The following TBC1D4 variants were observed in gnomAD, a reference collection of about 807,000 sequenced individuals.
TBC1D4 encodes TBC (Tre-2, BUB2, CDC16) domain-containing protein.
TBC1D4 carries 121 observed loss-of-function variants against 142.5 expected under a neutral mutation model. That is an observed-to-expected ratio of 0.85 (90% confidence interval 0.73 to 0.99). The LOEUF (loss-of-function observed/expected upper bound fraction) is 0.99. Among genes scored for constraint, TBC1D4 ranks in the 50% least tolerant of loss-of-function variants. TBC1D4 has a pLI of 0.00. For synonymous variants in TBC1D4, 630 were observed against 628.2 expected (o/e 1.00, Z -0.04); for missense variants, 1,475 against 1,606.6 (o/e 0.92, Z 1.40).
chr13:75,400,748 G>C (rs936523814), intron 1 of TBC1D4, among the ~76,000 whole-genome samples: 1 of 151,908 alleles, frequency 6.6e-6, no homozygotes, highest in Non-Finnish European at 1.5e-5. Flanking sequence ...TTACAGGCAT[G>C]AGCCACCACG....
intron 1 of TBC1D4, among the ~76,000 whole-genome samples, chr13:75,480,953 C>T (rs866286543): frequency 6.6e-6 from 1 of 152,200 alleles, no homozygotes; most frequent in African/African-American, 2.4e-5. Context: ...GCCGTCCTCC[C>T]GGGACGGGCG....
chr13:75,413,298 A>C (rs909362757), intron 1 of TBC1D4, among the ~76,000 whole-genome samples: 1 of 151,908 alleles, frequency 6.6e-6, no homozygotes, highest in African/African-American at 2.4e-5. Flanking sequence ...AGTAGCTGGG[A>C]CTACAGGTGC....
At chr13:75,310,856 T>C (rs1481091300) in intron 13 of TBC1D4, among the ~76,000 whole-genome samples, 2 of 152,184 alleles carry the variant, frequency 1.3e-5, no homozygotes, top group South Asian at 2.1e-4. Context: ...TTTGTTTCTA[T>C]GTGTACTCAA....
chr13:75,356,073 G>T, intron 4 of TBC1D4, 74 bp downstream of exon 4: 1 of 1,116,836 alleles, frequency 9.0e-7, no homozygotes, highest in Non-Finnish European at 1.3e-6. Context: ...GCAAGGCTTG[G>T]GCTCCTAAGA....
At chr13:75,320,897 G>A (rs943370091) in intron 11 of TBC1D4, among the ~76,000 whole-genome samples, 5 of 149,542 alleles carry the variant, frequency 3.3e-5, no homozygotes, top group Admixed American at 6.7e-5. Context: ...AAAATTAGCC[G>A]GGCATGGTGG....
intron 1 of TBC1D4, among the ~76,000 whole-genome samples, chr13:75,464,414 C>T (rs1888088740): frequency 6.6e-6 from 1 of 152,238 alleles, no homozygotes; most frequent in African/African-American, 2.4e-5. Context: ...CATGCTCCTG[C>T]TGCAGATAAC....
chr13:75,435,352 G>C (rs9543927), intron 1 of TBC1D4, among the ~76,000 whole-genome samples: 6,007 of 147,388 alleles, frequency 0.041, 162 homozygotes, highest in Middle Eastern at 0.069. Context: ...ACATAATTAC[G>C]ACTAAAAAAA....
chr13:75,393,637 T>C (rs77140337), intron 1 of TBC1D4, among the ~76,000 whole-genome samples: 5,604 of 152,126 alleles, frequency 0.037, 136 homozygotes, highest in Non-Finnish European at 0.058. Flanking sequence ...TTAAATGATA[T>C]AAAAAAATCT....
intron 1 of TBC1D4, among the ~76,000 whole-genome samples, chr13:75,474,655 T>C (rs1488216720): frequency 6.7e-6 from 1 of 149,470 alleles, no homozygotes; most frequent in African/African-American, 2.4e-5. Context: ...CCTTTTTTTT[T>C]TTTTTTAATC....
chr13:75,329,112 C>G (rs981810001), intron 8 of TBC1D4, among the ~76,000 whole-genome samples: 5 of 152,016 alleles, frequency 3.3e-5, no homozygotes, highest in African/African-American at 9.7e-5. Context: ...CCACCTCCCC[C>G]CAACCCCCAC....
At chr13:75,480,877 G>GCGCACACACA (rs1197246407) in intron 1 of TBC1D4, among the ~76,000 whole-genome samples, 2 of 124,196 alleles carry the variant, frequency 1.6e-5, no homozygotes, top group African/African-American at 5.1e-5. Context: ...GCACACGCAC[G>GCGCACACACA]CACACACACA....
At position 75,481,488 on chromosome 13, in the gene TBC1D4, C is replaced by T; in HGVS notation, c.280G>A (p.Val94Ile). The change falls in exon 1 of 21, where the codon GTC (valine) becomes ATC (isoleucine). Residue 94 changes from valine (V) to isoleucine (I), a missense_variant. Physicochemically the swap from Val to Ile is conservative, Grantham distance 29. Transcript: ENST00000377636. ...GAGGCCCCAGCGCCCGGCGCGGGGA[C>T]GCAACGCAGGAAGGGCGCGCTGAGC... ...LVLSAPFLRC[V>I]PAPGAGASGG... The T allele has an allele frequency of 6.2e-7, 1 of 1,612,740 alleles. No homozygotes were observed. The highest frequency in any genetic ancestry group is 8.5e-7 in the Non-Finnish European group (1 of 1,179,310).
At chr13:75,342,826 A>C (rs1393432189) in intron 5 of TBC1D4, among the ~76,000 whole-genome samples, 4 of 151,736 alleles carry the variant, frequency 2.6e-5, no homozygotes, top group Non-Finnish European at 4.4e-5. Context: ...GAGAATATAT[A>C]TATATATTCT....
chr13:75,343,936 GT>G (rs1289146500), intron 5 of TBC1D4, among the ~76,000 whole-genome samples: 3 of 152,126 alleles, frequency 2.0e-5, no homozygotes, highest in Non-Finnish European at 4.4e-5. Context: ...TGCCTCCTGG[GT>G]TCAAGTGATT....
At chr13:75,417,854 C>G (rs1031709200) in intron 1 of TBC1D4, among the ~76,000 whole-genome samples, 3 of 152,158 alleles carry the variant, frequency 2.0e-5, no homozygotes, top group African/African-American at 7.2e-5. Context: ...GGAAATCTGA[C>G]AGTCCTATGT....
chr13:75,319,265 A>G (rs1174037814), intron 12 of TBC1D4, among the ~76,000 whole-genome samples: 1 of 152,222 alleles, frequency 6.6e-6, no homozygotes, highest in African/African-American at 2.4e-5. Flanking sequence ...CACTCTAGCT[A>G]CAAAGAAATC....
intron 17 of TBC1D4, among the ~76,000 whole-genome samples, chr13:75,296,196 G>A (rs1875901422): frequency 6.6e-6 from 1 of 151,688 alleles, no homozygotes; most frequent in Non-Finnish European, 1.5e-5. Flanking sequence ...AAGCTTAGCT[G>A]GAGTCAAAGT....
chr13:75,368,907 G>C (rs1435828160), intron 1 of TBC1D4, among the ~76,000 whole-genome samples: 1 of 152,046 alleles, frequency 6.6e-6, no homozygotes, highest in East Asian at 1.9e-4. Flanking sequence ...AGCCAGGCAT[G>C]GTGGTGTGCA....
chr13:75,469,229 C>A (rs1453035870), intron 1 of TBC1D4, among the ~76,000 whole-genome samples: 1 of 152,128 alleles, frequency 6.6e-6, no homozygotes, highest in African/African-American at 2.4e-5. Flanking sequence ...CAAGAAGACA[C>A]CCGGAGATGA....
Sources: allele counts gnomAD v4.1 joint callset (sites outside exome capture counted in the v4.1 genomes callset), GRCh38; gene constraint gnomAD v4.1.1; transcripts MANE v1.5; gene names NCBI Gene and HGNC (gene_info 2026-07-23, HGNC 2026-07-21).